MUSK: variants seen among roughly 807,000 people sequenced by gnomAD.
MUSK encodes muscle associated receptor tyrosine kinase.
In MUSK, 55 loss-of-function variants were observed where a neutral mutation model predicts 88.7. That is an observed-to-expected ratio of 0.62 (90% CI 0.50 to 0.78). The LOEUF (loss-of-function observed/expected upper bound fraction) is 0.78. Ranked by LOEUF, MUSK falls within the 30% of genes least tolerant of loss-of-function variation. MUSK has a pLI of 0.00. For synonymous variants in MUSK, 387 were observed against 391.9 expected, an observed-to-expected ratio of 0.99 and a Z score of 0.15; for missense variants, 1,015 against 1,074.3, an observed-to-expected ratio of 0.94 and a Z score of 0.77.
intron 7 of MUSK, among the ~76,000 whole-genome samples, chr9:110,751,303 T>G (rs2077244592): frequency 6.6e-6 from 1 of 151,796 alleles, no homozygotes; most frequent in Non-Finnish European, 1.5e-5. Flanking sequence ...CATCTTCCAG[T>G]GGTAGAAAGA....
At chr9:110,790,539 G>A (rs150742766) in intron 14 of MUSK, among the ~76,000 whole-genome samples, 1 of 152,164 alleles carries the variant, frequency 6.6e-6, no homozygotes, top group African/African-American at 2.4e-5. Flanking sequence ...GGCACTGTTG[G>A]ATGGATTGGC....
chr9:110,716,625 C>T (rs1207974525), intron 5 of MUSK, among the ~76,000 whole-genome samples: 1 of 149,966 alleles, frequency 6.7e-6, no homozygotes, highest in East Asian at 1.9e-4. Context: ...AAAAAAATGA[C>T]CTTCCTTTTG....
intron 3 of MUSK, among the ~76,000 whole-genome samples, chr9:110,689,728 A>AAATATATATAT (rs1564217925): frequency 1.0e-4 from 8 of 77,332 alleles, no homozygotes; most frequent in African/African-American, 5.4e-4. Context: ...TGTTATATAT[A>AAATATATATAT]GTTTATATAT....
intron 5 of MUSK, among the ~76,000 whole-genome samples, chr9:110,698,741 C>T (rs1349585477): frequency 6.6e-6 from 1 of 152,072 alleles, no homozygotes; most frequent in Non-Finnish European, 1.5e-5. Flanking sequence ...TATAAAAATA[C>T]ATTTTCATCA....
chr9:110,723,707 C>G (rs576583009), intron 5 of MUSK, among the ~76,000 whole-genome samples: 15 of 152,140 alleles, frequency 9.9e-5, no homozygotes, highest in African/African-American at 3.1e-4. Flanking sequence ...GATTCAGTAA[C>G]CTAAATTGTG....
At chr9:110,680,933 GTATAT>G (rs139588630) in intron 1 of MUSK, among the ~76,000 whole-genome samples, 19,951 of 101,020 alleles carry the variant, frequency 0.2, 2,853 homozygotes, top group African/African-American at 0.37. Flanking sequence ...ATTATGTTCT[GTATAT>G]TATAATGATC....
At chr9:110,757,631 A>T (rs2077343853) in intron 7 of MUSK, among the ~76,000 whole-genome samples, 1 of 146,738 alleles carries the variant, frequency 6.8e-6, no homozygotes. Flanking sequence ...CACTTGCATT[A>T]TTCTTTAGCC....
chr9:110,704,491 ATTAT>A (rs1156643064), intron 5 of MUSK, among the ~76,000 whole-genome samples: 1 of 152,120 alleles, frequency 6.6e-6, no homozygotes, highest in Non-Finnish European at 1.5e-5. Flanking sequence ...TTGCTGTTTT[ATTAT>A]TTATTTCATG....
At chr9:110,775,118 G>A (rs2077646648) in intron 9 of MUSK, among the ~76,000 whole-genome samples, 1 of 152,084 alleles carries the variant, frequency 6.6e-6, no homozygotes, top group Non-Finnish European at 1.5e-5. Context: ...TGTTTCTTCA[G>A]CCCCTTCACT....
intron 5 of MUSK, among the ~76,000 whole-genome samples, chr9:110,722,595 T>C (rs1239082599): frequency 6.6e-5 from 10 of 151,012 alleles, no homozygotes; most frequent in African/African-American, 2.4e-4. Flanking sequence ...AAAGAAATAA[T>C]CAGCAGAGTT....
intron 10 of MUSK, among the ~76,000 whole-genome samples, chr9:110,776,282 C>T (rs903934959): frequency 3.3e-5 from 5 of 152,078 alleles, no homozygotes; most frequent in Admixed American, 3.3e-4. Context: ...GGCTAAGAAA[C>T]ATCTTATATT....
At chr9:110,778,208 C>T (rs1005195099) in intron 11 of MUSK, among the ~76,000 whole-genome samples, 2 of 152,024 alleles carry the variant, frequency 1.3e-5, no homozygotes, top group Non-Finnish European at 2.9e-5. Flanking sequence ...ACTAGAATTT[C>T]AGTAGTTTTT....
At chr9:110,690,872 A>G (rs2076345577) in intron 3 of MUSK, among the ~76,000 whole-genome samples, 1 of 139,234 alleles carries the variant, frequency 7.2e-6, no homozygotes, top group Non-Finnish European at 1.5e-5. Context: ...ATATTTAAAT[A>G]AATATATATA....
intron 5 of MUSK, among the ~76,000 whole-genome samples, chr9:110,732,151 G>A (rs1369495286): frequency 3.3e-5 from 5 of 152,068 alleles, no homozygotes; most frequent in Admixed American, 2.0e-4. Context: ...GCACATGTGA[G>A]GTTGAAATGT....
At chr9:110,724,312 T>C (rs1305999330) in intron 5 of MUSK, among the ~76,000 whole-genome samples, 1 of 152,000 alleles carries the variant, frequency 6.6e-6, no homozygotes, top group East Asian at 1.9e-4. Flanking sequence ...CTAATGTGCT[T>C]TGAAATTATG....
intron 7 of MUSK, among the ~76,000 whole-genome samples, chr9:110,757,105 C>T (rs1168287491): frequency 6.6e-6 from 1 of 152,152 alleles, no homozygotes; most frequent in African/African-American, 2.4e-5. Flanking sequence ...CCTTAACTCA[C>T]TTAACTCAAT....
chr9:110,734,396 G>A, intron 6 of MUSK, 21 bp downstream of exon 6: 1 of 1,612,888 alleles, frequency 6.2e-7, no homozygotes, highest in Non-Finnish European at 8.5e-7. Context: ...TGTGTGTGGG[G>A]ACTTGTCTGG....
At chr9:110,725,538 G>T (rs971385985) in intron 5 of MUSK, among the ~76,000 whole-genome samples, 1 of 151,958 alleles carries the variant, frequency 6.6e-6, no homozygotes, top group African/African-American at 2.4e-5. Flanking sequence ...TTATATCTCA[G>T]ATTAGTCCAA....
chr9:110,717,811 TC>T (rs1206186063), intron 5 of MUSK, among the ~76,000 whole-genome samples: 1 of 137,432 alleles, frequency 7.3e-6, no homozygotes, highest in East Asian at 2.0e-4. Flanking sequence ...TAACTATAAT[TC>T]TTTGGTAGGT....
Sources: gnomAD v4.1 joint callset for allele counts (sites outside exome capture counted in the v4.1 genomes callset) on GRCh38, gnomAD v4.1.1 for gene constraint, MANE v1.5 for transcripts, NCBI Gene and HGNC (gene_info 2026-07-23, HGNC 2026-07-21) for gene names.